The following NREP variants were observed in gnomAD, a reference collection of about 807,000 sequenced individuals.
The protein encoded by NREP is neuronal regeneration related protein, also known as neuronal regeneration-related protein.
Under a neutral mutation model 8.6 loss-of-function variants are expected in NREP, and 5 were observed. The ratio of observed to expected loss-of-function variants is 0.58; its 90% confidence interval spans 0.30 to 1.22. The LOEUF is 1.22. NREP is among the 50% of genes most tolerant of loss of function. The probability of loss-of-function intolerance (pLI) is 0.07; values close to 1 mark genes in which losing one functional copy is unlikely to be tolerated. For missense variants in NREP, 86 were observed against 82.5 expected, an observed-to-expected ratio of 1.04 and a Z score of -0.17; for synonymous variants, 27 against 28.0, an observed-to-expected ratio of 0.96 and a Z score of 0.11.
intron 2 of NREP, among the ~76,000 whole-genome samples, chr5:111,913,272 T>C (rs1440611198): frequency 6.6e-6 from 1 of 152,146 alleles, no homozygotes; most frequent in Admixed American, 6.6e-5. Flanking sequence ...TCTGCTATTT[T>C]GCACTACTTC....
intron 2 of NREP, among the ~76,000 whole-genome samples, chr5:111,908,223 TA>T (rs1030323208): frequency 3.3e-5 from 5 of 151,910 alleles, no homozygotes; most frequent in African/African-American, 1.2e-4. Context: ...GCTAATAGAA[TA>T]AAAAAATGAG....
At chr5:111,822,993 A>T (rs929402270) in intron 2 of NREP, among the ~76,000 whole-genome samples, 1 of 152,234 alleles carries the variant, frequency 6.6e-6, no homozygotes, top group Admixed American at 6.5e-5. Flanking sequence ...TCATTGAAAA[A>T]AGGTTTATTT....
intron 2 of NREP, among the ~76,000 whole-genome samples, chr5:111,768,256 AG>A (rs1435632117): frequency 6.6e-6 from 1 of 152,176 alleles, no homozygotes; most frequent in Non-Finnish European, 1.5e-5. Flanking sequence ...GGTAGCCTCA[AG>A]AAAATAGGAG....
At chr5:111,890,620 A>C (rs964240456) in intron 2 of NREP, among the ~76,000 whole-genome samples, 1 of 152,218 alleles carries the variant, frequency 6.6e-6, no homozygotes, top group Non-Finnish European at 1.5e-5. Flanking sequence ...CCCAAGCCTC[A>C]ATTGTTGTAC....
chr5:111,880,658 G>C (rs1253353634), intron 2 of NREP, among the ~76,000 whole-genome samples: 1 of 151,664 alleles, frequency 6.6e-6, no homozygotes, highest in African/African-American at 2.4e-5. Flanking sequence ...TAAGGTACTA[G>C]GGTTAGGACT....
intron 2 of NREP, among the ~76,000 whole-genome samples, chr5:111,895,953 C>A (rs1394885720): frequency 1.3e-5 from 2 of 152,086 alleles, no homozygotes; most frequent in African/African-American, 4.8e-5. Flanking sequence ...TAAGACTGTT[C>A]CAGCACATCC....
intron 2 of NREP, among the ~76,000 whole-genome samples, chr5:111,842,843 T>C (rs1753064094): frequency 6.6e-6 from 1 of 152,250 alleles, no homozygotes; most frequent in Middle Eastern, 3.4e-3. Flanking sequence ...GTTTGTTGGG[T>C]GAGATATTCC....
At chr5:111,810,040 C>T (rs946997471) in intron 2 of NREP, among the ~76,000 whole-genome samples, 12 of 150,292 alleles carry the variant, frequency 8.0e-5, no homozygotes, top group Non-Finnish European at 1.5e-4. Flanking sequence ...AGACTAATCT[C>T]ATAAAAAAAG....
intron 2 of NREP, among the ~76,000 whole-genome samples, chr5:111,926,826 C>G (rs1233759172): frequency 6.6e-6 from 1 of 151,724 alleles, no homozygotes; most frequent in Admixed American, 6.5e-5. Context: ...TCCCTGAGCC[C>G]TGGCATCCAT....
chr5:111,883,285 T>C (rs1161679396), intron 2 of NREP, among the ~76,000 whole-genome samples: 3 of 152,222 alleles, frequency 2.0e-5, no homozygotes, highest in African/African-American at 7.2e-5. Context: ...ATCCTAAATA[T>C]ATGTGCACCC....
intron 2 of NREP, among the ~76,000 whole-genome samples, chr5:111,944,168 G>A (rs1755911577): frequency 6.6e-6 from 1 of 152,042 alleles, no homozygotes; most frequent in Non-Finnish European, 1.5e-5. Flanking sequence ...TTTTATTGCT[G>A]TAACATTTGA....
At chr5:111,827,333 A>G (rs1356534149) in intron 2 of NREP, among the ~76,000 whole-genome samples, 2 of 152,218 alleles carry the variant, frequency 1.3e-5, no homozygotes, top group Non-Finnish European at 2.9e-5. Context: ...AACATGTTAC[A>G]CCAGAAGGGT....
chr5:111,734,466 G>A, intron 3 of NREP: 1 of 340,916 alleles, frequency 2.9e-6, no homozygotes, highest in South Asian at 6.3e-5. Flanking sequence ...TTTCCTGCCA[G>A]TGATTTCAAC....
intron 2 of NREP, among the ~76,000 whole-genome samples, chr5:111,923,263 G>C (rs938738517): frequency 3.9e-5 from 6 of 152,280 alleles, no homozygotes; most frequent in Admixed American, 3.3e-4. Context: ...TAAAGATTCA[G>C]GGTGACTACT....
intron 2 of NREP, among the ~76,000 whole-genome samples, chr5:111,927,268 G>A (rs1182256537): frequency 6.6e-6 from 1 of 152,058 alleles, no homozygotes; most frequent in Non-Finnish European, 1.5e-5. Flanking sequence ...GAAATATCTT[G>A]AGCTTTCAAA....
chr5:111,825,913 T>C (rs1752611537), intron 2 of NREP, among the ~76,000 whole-genome samples: 1 of 152,022 alleles, frequency 6.6e-6, no homozygotes, highest in Non-Finnish European at 1.5e-5. Flanking sequence ...GACTGCACTC[T>C]AACTGCAAGG....
chr5:111,902,344 T>C (rs1754667367), intron 2 of NREP, among the ~76,000 whole-genome samples: 1 of 152,122 alleles, frequency 6.6e-6, no homozygotes, highest in Admixed American at 6.6e-5. Flanking sequence ...TGAGTGAACA[T>C]TCCACTCAAC....
intron 2 of NREP, among the ~76,000 whole-genome samples, chr5:111,868,130 C>T (rs930789748): frequency 3.3e-5 from 5 of 152,094 alleles, no homozygotes; most frequent in East Asian, 1.9e-4. Flanking sequence ...ACAAACATCG[C>T]GTCTTTATCT....
At chr5:111,902,120 A>G (rs1003490061) in intron 2 of NREP, among the ~76,000 whole-genome samples, 4 of 152,172 alleles carry the variant, frequency 2.6e-5, no homozygotes, top group African/African-American at 9.7e-5. Flanking sequence ...ATGGAACATA[A>G]TAAAGAACCC....
Sources: allele counts gnomAD v4.1 joint callset (sites outside exome capture counted in the v4.1 genomes callset), GRCh38; gene constraint gnomAD v4.1.1; transcripts MANE v1.5; gene names NCBI Gene and HGNC (gene_info 2026-07-23, HGNC 2026-07-21).